KHDRBS2: variants seen among roughly 807,000 people sequenced by gnomAD.
KHDRBS2 encodes the protein KH domain-containing, RNA-binding, signal transduction-associated protein 2.
A neutral mutation model predicts 44.3 loss-of-function variants in KHDRBS2; 26 were observed. The ratio of observed to expected loss-of-function variants is 0.59; its 90% CI spans 0.43 to 0.81. The LOEUF is 0.81. Among genes scored for constraint, KHDRBS2 ranks in the 40% least tolerant of loss-of-function variants. The pLI, the probability that KHDRBS2 is intolerant of heterozygous loss-of-function variation, is 0.00. For missense variants in KHDRBS2, 476 were observed against 433.1 expected (o/e 1.10, Z -0.88); for synonymous variants, 194 against 151.1 (o/e 1.28, Z -2.08).
intron 1 of KHDRBS2, among the ~76,000 whole-genome samples, chr6:62,208,815 C>T (rs916902181): frequency 6.6e-6 from 1 of 152,136 alleles, no homozygotes; most frequent in African/African-American, 2.4e-5. Flanking sequence ...TTTCAACTTG[C>T]ATTTCTCTGA....
intron 1 of KHDRBS2, among the ~76,000 whole-genome samples, chr6:62,243,223 T>C (rs1426077081): frequency 6.6e-6 from 1 of 152,128 alleles, no homozygotes; most frequent in East Asian, 1.9e-4. Flanking sequence ...TGTATCTATC[T>C]ATCTATGGGA....
the KHDRBS2 span, among the ~76,000 whole-genome samples, chr6:61,636,443 C>T: frequency 2.7e-3 from 408 of 152,156 alleles, no homozygotes; most frequent in South Asian, 4.8e-3. Context: ...AGTCCTCATA[C>T]CTTTATGGAC....
intron 1 of KHDRBS2, among the ~76,000 whole-genome samples, chr6:62,191,799 C>T (rs1456931799): frequency 6.6e-6 from 1 of 152,002 alleles, no homozygotes; most frequent in Non-Finnish European, 1.5e-5. Flanking sequence ...CTTTAAAATT[C>T]ATATTTATTT....
intron 7 of KHDRBS2, among the ~76,000 whole-genome samples, chr6:61,704,558 G>T (rs1769190972): frequency 6.6e-6 from 1 of 151,726 alleles, no homozygotes; most frequent in African/African-American, 2.4e-5. Context: ...TCAATCTTGA[G>T]ACATATACAG....
chr6:61,676,904 T>A (rs1459109432), downstream of KHDRBS2, among the ~76,000 whole-genome samples: 1 of 151,914 alleles, frequency 6.6e-6, no homozygotes, highest in Non-Finnish European at 1.5e-5. Flanking sequence ...CAGACATATG[T>A]AGGTAGGTAG....
the KHDRBS2 span, among the ~76,000 whole-genome samples, chr6:61,613,720 T>C: frequency 3.3e-5 from 5 of 152,188 alleles, no homozygotes; most frequent in African/African-American, 1.2e-4. Flanking sequence ...ATAATGCAAA[T>C]TTGTGTCTCA....
intron 3 of KHDRBS2, among the ~76,000 whole-genome samples, chr6:62,044,170 C>T (rs574528089): frequency 3.3e-5 from 5 of 152,010 alleles, no homozygotes; most frequent in Admixed American, 2.6e-4. Flanking sequence ...GTCCAGCCTC[C>T]AGTCTCCCGC....
intron 3 of KHDRBS2, among the ~76,000 whole-genome samples, chr6:62,019,549 G>C (rs1216560272): frequency 6.6e-6 from 1 of 152,034 alleles, no homozygotes; most frequent in Non-Finnish European, 1.5e-5. Flanking sequence ...TTGGCTGGTA[G>C]AATTCACCAC....
chr6:62,126,882 T>C (rs549813712), intron 2 of KHDRBS2, among the ~76,000 whole-genome samples: 1 of 152,302 alleles, frequency 6.6e-6, no homozygotes, highest in East Asian at 1.9e-4. Flanking sequence ...TTATTTAACT[T>C]TATATATAGG....
chr6:61,585,551 T>C, the KHDRBS2 span, among the ~76,000 whole-genome samples: 1 of 152,114 alleles, frequency 6.6e-6, no homozygotes, highest in Non-Finnish European at 1.5e-5. Context: ...TTGCAAGATC[T>C]TTTCTGGACA....
chr6:62,062,123 T>C (rs12192362), intron 2 of KHDRBS2, among the ~76,000 whole-genome samples: 29,273 of 147,298 alleles, frequency 0.2, 3,504 homozygotes, highest in Admixed American at 0.32. Flanking sequence ...CCCAGATTCA[T>C]AAAGCAAGTC....
chr6:62,079,494 C>T (rs1448996046), intron 2 of KHDRBS2, among the ~76,000 whole-genome samples: 1 of 151,976 alleles, frequency 6.6e-6, no homozygotes, highest in Admixed American at 6.6e-5. Context: ...AAATTCAATG[C>T]TGCATAGGTA....
downstream of KHDRBS2, among the ~76,000 whole-genome samples, chr6:61,675,173 TA>T (rs905218883): frequency 7.2e-5 from 11 of 151,762 alleles, no homozygotes; most frequent in Admixed American, 5.9e-4. Context: ...TAGTCAAACT[TA>T]AAAAGTTACA....
At chr6:61,752,030 T>A (rs1777778368) in intron 6 of KHDRBS2, among the ~76,000 whole-genome samples, 1 of 152,134 alleles carries the variant, frequency 6.6e-6, no homozygotes, top group South Asian at 2.1e-4. Flanking sequence ...CCCCATTTTA[T>A]ATTAATCATC....
At chr6:61,759,478 A>T (rs942068437) in intron 6 of KHDRBS2, among the ~76,000 whole-genome samples, 1 of 152,192 alleles carries the variant, frequency 6.6e-6, no homozygotes, top group Non-Finnish European at 1.5e-5. Flanking sequence ...AAACATTATG[A>T]AGATACTATT....
intron 1 of KHDRBS2, among the ~76,000 whole-genome samples, chr6:62,196,914 A>G (rs1279892373): frequency 1.3e-5 from 2 of 152,106 alleles, no homozygotes; most frequent in Non-Finnish European, 2.9e-5. Flanking sequence ...GGAAGCGCCC[A>G]TAAAGCATAG....
At chr6:62,203,341 G>A (rs1277759079) in intron 1 of KHDRBS2, among the ~76,000 whole-genome samples, 1 of 152,162 alleles carries the variant, frequency 6.6e-6, no homozygotes, top group Non-Finnish European at 1.5e-5. Flanking sequence ...TCAGGAAAGA[G>A]AAGAGCTAAT....
the KHDRBS2 span, among the ~76,000 whole-genome samples, chr6:61,562,164 A>T: frequency 6.6e-6 from 1 of 152,202 alleles, no homozygotes; most frequent in African/African-American, 2.4e-5. Flanking sequence ...TAAAAATTCA[A>T]AACTTTTCTC....
chr6:61,703,752 A>G (rs1192194768), intron 7 of KHDRBS2, among the ~76,000 whole-genome samples: 2 of 151,882 alleles, frequency 1.3e-5, no homozygotes, highest in East Asian at 3.9e-4. Context: ...CTCACCACCA[A>G]CCAGAACCCC....
Sources: allele counts gnomAD v4.1 joint callset (sites outside exome capture counted in the v4.1 genomes callset), GRCh38; gene constraint gnomAD v4.1.1; transcripts MANE v1.5; gene names NCBI Gene and HGNC (gene_info 2026-07-23, HGNC 2026-07-21).